Variants in EXT1 observed in about 807,000 individuals in gnomAD.
EXT1 encodes the protein exostosin glycosyltransferase 1, also known as exostosin-1.
Under a neutral mutation model 82.5 loss-of-function variants are expected in EXT1, and 20 were observed. The observed-to-expected ratio is 0.24, with a 90% CI of 0.17 to 0.35. The LOEUF (loss-of-function observed/expected upper bound fraction) is 0.35, where lower values mean the gene tolerates loss of function less well. Ranked by LOEUF, EXT1 falls within the 10% of genes least tolerant of loss-of-function variation. The pLI, the probability that EXT1 is intolerant of heterozygous loss-of-function variation, is 1.00. For missense variants in EXT1, 757 were observed against 936.5 expected (o/e 0.81, Z 2.50); for synonymous variants, 348 against 350.8 (o/e 0.99, Z 0.09).
chr8:117,858,282 T>G (rs569857522), intron 1 of EXT1, among the ~76,000 whole-genome samples: 2 of 152,228 alleles, frequency 1.3e-5, no homozygotes, highest in African/African-American at 2.4e-5. Context: ...AACAGCATTC[T>G]CTATGGAGAA....
At chr8:117,847,788 C>T (rs1812386678) in intron 1 of EXT1, among the ~76,000 whole-genome samples, 1 of 152,200 alleles carries the variant, frequency 6.6e-6, no homozygotes, top group African/African-American at 2.4e-5. Flanking sequence ...ACTGTTCTCA[C>T]CCCCAGGGCA....
chr8:118,005,663 A>T (rs1815758354), intron 1 of EXT1, among the ~76,000 whole-genome samples: 1 of 152,248 alleles, frequency 6.6e-6, no homozygotes, highest in Admixed American at 6.5e-5. Context: ...GACTGGCTAC[A>T]AGTCCAGCAT....
chr8:117,980,578 A>G (rs1815169095), intron 1 of EXT1, among the ~76,000 whole-genome samples: 1 of 151,780 alleles, frequency 6.6e-6, no homozygotes, highest in Non-Finnish European at 1.5e-5. Flanking sequence ...TGGAAATCCC[A>G]CTCGGAAAGT....
intron 1 of EXT1, among the ~76,000 whole-genome samples, chr8:117,920,897 C>T (rs1813842600): frequency 6.6e-6 from 1 of 152,094 alleles, no homozygotes; most frequent in African/African-American, 2.4e-5. Context: ...GTTTGCTCCT[C>T]CAACACATCA....
At chr8:117,997,032 C>T (rs1815551539) in intron 1 of EXT1, among the ~76,000 whole-genome samples, 1 of 152,080 alleles carries the variant, frequency 6.6e-6, no homozygotes, top group Non-Finnish European at 1.5e-5. Context: ...GTTCCTTCTC[C>T]ATGTTACACC....
intron 1 of EXT1, among the ~76,000 whole-genome samples, chr8:117,949,511 T>C (rs1323763839): frequency 6.7e-6 from 1 of 149,136 alleles, no homozygotes; most frequent in Non-Finnish European, 1.5e-5. Flanking sequence ...CATGTATATA[T>C]GATATATAAA....
At chr8:118,002,323 G>A (rs1444416756) in intron 1 of EXT1, among the ~76,000 whole-genome samples, 1 of 147,642 alleles carries the variant, frequency 6.8e-6, no homozygotes, top group Non-Finnish European at 1.5e-5. Context: ...AGAGGTTGCA[G>A]TGAGTCGAGA....
chr8:118,071,563 G>A (rs542631251), intron 1 of EXT1, among the ~76,000 whole-genome samples: 43 of 152,212 alleles, frequency 2.8e-4, no homozygotes, highest in African/African-American at 8.9e-4. Context: ...CTAAGAAAAG[G>A]ATTGTTTTGA....
intron 1 of EXT1, among the ~76,000 whole-genome samples, chr8:117,849,994 T>C (rs1783659118): frequency 1.3e-5 from 2 of 152,246 alleles, no homozygotes; most frequent in African/African-American, 2.4e-5. Context: ...TAAACACACA[T>C]GATACTGTGG....
At chr8:117,997,630 TCAAGAAAGATAAAAACAAA>T (rs937581350) in intron 1 of EXT1, among the ~76,000 whole-genome samples, 117 of 152,048 alleles carry the variant, frequency 7.7e-4, no homozygotes, top group Non-Finnish European at 3.5e-4. Context: ...GAGAAAGAGA[TCAAGAAAGATAAAAACAAA>T]CTGGCTAAAC....
At position 117,942,719 on chromosome 8, in the gene EXT1, C is replaced by T. The variant is rs17504743; in HGVS notation, c.963-105518G>A. Among the ~76,000 whole-genome samples the T allele has an allele frequency of 8.6e-5, 13 of 151,788 alleles. No individual in the cohort carries two copies. The East Asian group carries it at 1.4e-3, about 16-fold the overall frequency. ...AGAGCGAAATTCGGTCTCCAAAAAA[C>T]GAAAGAAAAAGAAAAAGAAGATTAT... On this transcript the variant is annotated intron_variant, in intron 1 of 10. Transcript: ENST00000378204.
At chr8:118,012,878 C>A (rs954154330) in intron 1 of EXT1, among the ~76,000 whole-genome samples, 2 of 152,142 alleles carry the variant, frequency 1.3e-5, no homozygotes, top group African/African-American at 4.8e-5. Flanking sequence ...AAAATAAAAG[C>A]CTTTTCCTAA....
intron 1 of EXT1, among the ~76,000 whole-genome samples, chr8:117,952,218 T>C (rs1277565974): frequency 6.6e-6 from 1 of 152,228 alleles, no homozygotes; most frequent in Non-Finnish European, 1.5e-5. Flanking sequence ...CCACATTCTG[T>C]CTTTATTAAA....
chr8:118,011,910 C>A (rs1815907960), intron 1 of EXT1, among the ~76,000 whole-genome samples: 2 of 152,182 alleles, frequency 1.3e-5, no homozygotes, highest in Non-Finnish European at 2.9e-5. Flanking sequence ...GGAGGACAGT[C>A]ATCGCAGGCA....
chr8:118,064,324 C>A (rs1242333665), intron 1 of EXT1, among the ~76,000 whole-genome samples: 1 of 152,076 alleles, frequency 6.6e-6, no homozygotes, highest in Non-Finnish European at 1.5e-5. Context: ...TGCCATCCCT[C>A]CCCTAGCTCC....
intron 1 of EXT1, among the ~76,000 whole-genome samples, chr8:117,946,646 G>A (rs1814395553): frequency 6.6e-6 from 1 of 152,144 alleles, no homozygotes; most frequent in Non-Finnish European, 1.5e-5. Context: ...CTATACACGA[G>A]GACCAGTCGT....
rs965332542 is a variant in EXT1 at position 117,980,724 on chromosome 8, T to G, written c.962+129361A>C. ...TTTTTTTTTTTTTTTTTTTTTTTTT[T>G]TTTTTTTCCAGTGTGAGTTCTTCAG... On this transcript the variant is annotated intron_variant, in intron 1 of 10. Coordinates refer to ENST00000378204, the MANE Select transcript of EXT1 (RefSeq NM_000127.3). 2.7e-4 allele frequency among the ~76,000 whole-genome samples: 37 copies of G among 136,602 alleles called. 1 individual carries two copies. The South Asian group carries it at 3.9e-3, about 14-fold the overall frequency. 89.6% of individuals were successfully genotyped at this position (136,602 alleles called of 152,430 possible). A position where few individuals can be genotyped will look rare whatever the true frequency, so the allele number is the denominator to read the frequency against.
intron 1 of EXT1, among the ~76,000 whole-genome samples, chr8:118,083,668 A>T (rs1817370121): frequency 6.6e-6 from 1 of 152,168 alleles, no homozygotes; most frequent in South Asian, 2.1e-4. Flanking sequence ...AAGAAGCTCA[A>T]TAGAAGTTTT....
chr8:117,909,799 G>A (rs1282810921), intron 1 of EXT1, among the ~76,000 whole-genome samples: 3 of 151,924 alleles, frequency 2.0e-5, no homozygotes, highest in East Asian at 1.9e-4. Flanking sequence ...ATGGAGTCTC[G>A]CTCTGTCACC....
Sources: gnomAD v4.1 joint callset for allele counts (sites outside exome capture counted in the v4.1 genomes callset) on GRCh38, gnomAD v4.1.1 for gene constraint, MANE v1.5 for transcripts, NCBI Gene and HGNC (gene_info 2026-07-23, HGNC 2026-07-21) for gene names.